Variants in RBFOX1 observed in about 807,000 individuals in gnomAD.
The protein encoded by RBFOX1 is RNA binding protein fox-1 homolog 1.
A neutral mutation model predicts 57.7 loss-of-function variants in RBFOX1; 8 were observed. The ratio of observed to expected loss-of-function variants is 0.14; its 90% CI spans 0.08 to 0.25. The LOEUF (loss-of-function observed/expected upper bound fraction) is 0.25. Among genes scored for constraint, RBFOX1 ranks in the 10% least tolerant of loss-of-function variants. The probability of loss-of-function intolerance (pLI) is 1.00; values close to 1 mark genes in which losing one functional copy is unlikely to be tolerated. For synonymous variants in RBFOX1, 326 were observed against 222.4 expected (o/e 1.47, Z -4.15); for missense variants, 611 against 548.5 (o/e 1.11, Z -1.14).
chr16:6,524,093 T>G (rs2096545780), intron 2 of RBFOX1, among the ~76,000 whole-genome samples: 1 of 152,198 alleles, frequency 6.6e-6, no homozygotes, highest in African/African-American at 2.4e-5. Context: ...CACTAGGTCT[T>G]ATTCATTCTA....
intron 3 of RBFOX1, among the ~76,000 whole-genome samples, chr16:6,813,503 C>T (rs1420194303): frequency 2.0e-5 from 3 of 152,122 alleles, no homozygotes; most frequent in African/African-American, 4.8e-5. Flanking sequence ...TTTCCCCAGC[C>T]CTATGCTATG....
intron 4 of RBFOX1, among the ~76,000 whole-genome samples, chr16:7,244,824 C>T (rs2094222176): frequency 6.6e-6 from 1 of 152,140 alleles, no homozygotes; most frequent in Non-Finnish European, 1.5e-5. Context: ...GGTTTTGTTT[C>T]CTTGTTCCCA....
intron 3 of RBFOX1, among the ~76,000 whole-genome samples, chr16:6,713,660 A>C (rs2064171204): frequency 6.6e-6 from 1 of 152,210 alleles, no homozygotes; most frequent in Non-Finnish European, 1.5e-5. Context: ...TTGAAGTTAC[A>C]GTTGCCCAAA....
chr16:6,977,314 G>T (rs2087288761), intron 3 of RBFOX1, among the ~76,000 whole-genome samples: 1 of 151,822 alleles, frequency 6.6e-6, no homozygotes. Context: ...ATTGTGTTTT[G>T]CAAGAATTGA....
At chr16:5,685,762 A>G (rs2050485354) in intron 3 of RBFOX1, among the ~76,000 whole-genome samples, 1 of 152,206 alleles carries the variant, frequency 6.6e-6, no homozygotes, top group African/African-American at 2.4e-5. Context: ...GTAGGTTGGT[A>G]TGCCCTCTTT....
At chr16:7,386,791 A>G (rs2097890528) in intron 4 of RBFOX1, among the ~76,000 whole-genome samples, 1 of 152,132 alleles carries the variant, frequency 6.6e-6, no homozygotes. Flanking sequence ...TATATCCTTG[A>G]GGAATCGCCA....
intron 4 of RBFOX1, among the ~76,000 whole-genome samples, chr16:7,454,239 A>AC (rs961729208): frequency 7.3e-5 from 11 of 151,496 alleles, no homozygotes; most frequent in Non-Finnish European, 1.3e-4. Context: ...TCCCCCACCA[A>AC]CCCCCCCAAA....
intron 2 of RBFOX1, among the ~76,000 whole-genome samples, chr16:6,593,215 G>C (rs2097737577): frequency 1.3e-5 from 2 of 152,050 alleles, no homozygotes; most frequent in Admixed American, 6.6e-5. Context: ...AAAAAAGAGA[G>C]TGGAGATCAC....
At chr16:5,735,959 C>T (rs1012692783) in intron 3 of RBFOX1, among the ~76,000 whole-genome samples, 19 of 152,028 alleles carry the variant, frequency 1.2e-4, no homozygotes, top group Non-Finnish European at 1.5e-4. Context: ...GAGGAAGGCG[C>T]GGGTAGAGTA....
chr16:5,561,468 A>G (rs1016885314), intron 2 of RBFOX1, among the ~76,000 whole-genome samples: 1 of 152,014 alleles, frequency 6.6e-6, no homozygotes, highest in Admixed American at 6.6e-5. Context: ...TGCCTTATAG[A>G]CACTTCTGGA....
chr16:5,909,089 C>CTTTTTTT lies in RBFOX1; in HGVS notation c.351+41754_351+41755insTTTTTTT, dbSNP rs1168067500. On this transcript the variant is annotated intron_variant, in intron 4 of 19. Transcript: ENST00000641259. ...TATCGGCTCCAACAGACTAAGCCCC[C>CTTTTTTT]CTTTTTTTTTTTTTTTTTTTTGAGA... is the stretch of plus-strand genomic sequence containing the variant. 3.3e-3 allele frequency among the ~76,000 whole-genome samples: 261 copies of CTTTTTTT among 79,376 alleles called. 12 individuals are homozygous for CTTTTTTT. The highest frequency in any genetic ancestry group is 9.0e-3 in the African/African-American group (247 of 27,428). The allele number at this position is 79,376 out of a possible 152,430, so 52.1% of individuals were successfully genotyped here.
chr16:6,284,046 G>T (rs539877130), intron 1 of RBFOX1, among the ~76,000 whole-genome samples: 18 of 152,298 alleles, frequency 1.2e-4, no homozygotes, highest in African/African-American at 4.1e-4. Context: ...CTTTGCCTGT[G>T]TAGCTTGTTT....
intron 4 of RBFOX1, among the ~76,000 whole-genome samples, chr16:7,324,084 G>C (rs1163103931): frequency 6.6e-6 from 1 of 152,090 alleles, no homozygotes; most frequent in Non-Finnish European, 1.5e-5. Flanking sequence ...TATGCTAATA[G>C]TCATCATGAA....
At chr16:6,815,889 A>G (rs937414817) in intron 3 of RBFOX1, among the ~76,000 whole-genome samples, 1 of 152,270 alleles carries the variant, frequency 6.6e-6, no homozygotes, top group Non-Finnish European at 1.5e-5. Flanking sequence ...AATTTAAAAA[A>G]TAATTTACTT....
rs147594981 is a variant in RBFOX1, at chr16:6,400,183, C to T, written c.-64+83126C>T. On this transcript the variant is annotated intron_variant, in intron 2 of 15. Transcript: ENST00000550418. ...TTTTCAAGTGCTCATGAAATATCCC[C>T]TCAAAGTAGACTACATGTTGGGTAT... Among the ~76,000 whole-genome samples the T allele has an allele frequency of 3.1e-3, 474 of 152,304 alleles. 2 individuals carry two copies. The highest frequency in any genetic ancestry group is 0.011 in the African/African-American group (450 of 41,562).
At chr16:5,633,334 A>G (rs2048579997) in intron 3 of RBFOX1, among the ~76,000 whole-genome samples, 1 of 152,136 alleles carries the variant, frequency 6.6e-6, no homozygotes, top group African/African-American at 2.4e-5. Context: ...ATTCCAAAGC[A>G]TAGGTGCTCT....
chr16:7,590,582 G>C (rs531668335), intron 7 of RBFOX1, among the ~76,000 whole-genome samples: 8 of 152,040 alleles, frequency 5.3e-5, no homozygotes, highest in African/African-American at 1.7e-4. Flanking sequence ...ATATCTGGCC[G>C]TGTGCGGTGG....
chr16:5,704,757 C>G (rs11644707), intron 3 of RBFOX1, among the ~76,000 whole-genome samples: 1 of 152,086 alleles, frequency 6.6e-6, no homozygotes, highest in Admixed American at 6.5e-5. Context: ...CTCAGCTTGG[C>G]CGGGTTACTA....
intron 2 of RBFOX1, among the ~76,000 whole-genome samples, chr16:6,638,999 G>C (rs552908393): frequency 3.2e-4 from 49 of 152,312 alleles, no homozygotes; most frequent in African/African-American, 1.1e-3. Flanking sequence ...TCGAGTTCAA[G>C]TGAATCCTGA....
Sources: allele counts gnomAD v4.1 joint callset (sites outside exome capture counted in the v4.1 genomes callset), GRCh38; gene constraint gnomAD v4.1.1; transcripts MANE v1.5; gene names NCBI Gene and HGNC (gene_info 2026-07-23, HGNC 2026-07-21).